Variants in CACNA1H observed in about 807,000 individuals in gnomAD.
CACNA1H encodes voltage-dependent T-type calcium channel subunit alpha-1H.
CACNA1H carries 149 observed loss-of-function variants against 192.5 expected under a neutral mutation model. The ratio of observed to expected loss-of-function variants is 0.77; its 90% CI spans 0.68 to 0.89. The LOEUF is 0.89. Among genes scored for constraint, CACNA1H ranks in the 40% least tolerant of loss-of-function variants. The pLI is 0.00. For synonymous variants in CACNA1H, 2,202 were observed against 1,475.2 expected, an observed-to-expected ratio of 1.49 and a Z score of -11.29; for missense variants, 4,257 against 3,423.5, an observed-to-expected ratio of 1.24 and a Z score of -6.08.
At chr16:1,163,154 G>A (rs918826068) in intron 2 of CACNA1H, among the ~76,000 whole-genome samples, 8 of 152,220 alleles carry the variant, frequency 5.3e-5, no homozygotes, top group Non-Finnish European at 1.0e-4. Context: ...CTGGGGAGCC[G>A]ATCCTGGGTC....
chr16:1,187,730 C>T (rs774711650), intron 2 of CACNA1H, among the ~76,000 whole-genome samples: 3 of 152,202 alleles, frequency 2.0e-5, no homozygotes, highest in Admixed American at 1.3e-4. Flanking sequence ...AGCCAGGCAG[C>T]AGCCGCACCT....
chr16:1,209,506 T>A, intron 17 of CACNA1H, 94 bp downstream of exon 17: 1 of 1,470,510 alleles, frequency 6.8e-7, no homozygotes, highest in South Asian at 1.2e-5. Context: ...TCAGGGCGTG[T>A]TGTTGACTGA....
intron 2 of CACNA1H, among the ~76,000 whole-genome samples, chr16:1,177,603 G>A (rs1596331922): frequency 2.0e-5 from 3 of 152,226 alleles, no homozygotes; most frequent in South Asian, 4.2e-4. Context: ...GGGCGTCCTA[G>A]TGTGCTTGGG....
At chr16:1,216,835 G>A in intron 30 of CACNA1H, 97 bp from the exon 31 acceptor site, 1 of 946,468 alleles carries the variant, frequency 1.1e-6, no homozygotes, top group South Asian at 1.4e-5. Context: ...AAGGTGGGCA[G>A]GTGGGGTCTG....
At chr16:1,170,548 G>A (rs72775428) in intron 2 of CACNA1H, among the ~76,000 whole-genome samples, 3 of 152,202 alleles carry the variant, frequency 2.0e-5, no homozygotes, top group East Asian at 1.9e-4. Flanking sequence ...CCCAGTGGCC[G>A]TCAGCCTTGG....
At chr16:1,209,678 T>A (rs1011629393) in intron 17 of CACNA1H, among the ~76,000 whole-genome samples, 1 of 152,092 alleles carries the variant, frequency 6.6e-6, no homozygotes, top group African/African-American at 2.4e-5. Flanking sequence ...CTCTGCGCCG[T>A]GGGTCAGCCA....
intron 2 of CACNA1H, among the ~76,000 whole-genome samples, chr16:1,187,382 T>C (rs967707962): frequency 2.6e-5 from 4 of 152,194 alleles, no homozygotes; most frequent in Non-Finnish European, 5.9e-5. Flanking sequence ...CTGCAGTCTG[T>C]GCCCTGCAAG....
At chr16:1,153,623 A>G in intron 1 of CACNA1H, 97 bp from the exon 2 acceptor site, 2 of 727,738 alleles carry the variant, frequency 2.7e-6, no homozygotes, top group Non-Finnish European at 3.7e-6. Flanking sequence ...AAAGACAAAG[A>G]CATCCCGGCG....
intron 2 of CACNA1H, among the ~76,000 whole-genome samples, chr16:1,163,744 C>T (rs1195453738): frequency 6.6e-6 from 1 of 152,240 alleles, no homozygotes; most frequent in South Asian, 2.1e-4. Context: ...TAGCTGGGAC[C>T]ACGCTTGCCC....
chr16:1,190,134 G>A (rs1042470987), intron 2 of CACNA1H, among the ~76,000 whole-genome samples: 7 of 152,192 alleles, frequency 4.6e-5, no homozygotes, highest in African/African-American at 1.7e-4. Context: ...ACCTCACTGC[G>A]CCACTGCCCG....
rs932767143 is a variant in CACNA1H at position 1,154,879 on chromosome 16, G to A, written c.299+843G>A. 5.9e-5 allele frequency among the ~76,000 whole-genome samples: 9 copies of A among 152,242 alleles called. No homozygotes were observed. The East Asian group carries it at 1.6e-3, about 26-fold the overall frequency. On this transcript the variant is annotated intron_variant, in intron 2 of 34. Transcript: ENST00000348261. The stretch of plus-strand genomic sequence containing the variant: ...GGTGGCCTTGGGGGCGGGTCTCCGC[G>A]TGCCCTGAGAAGGGCCTTGCGTGGT...
Position 1,211,195 on chromosome 16 carries a change from G to A in CACNA1H, c.4251G>A (p.Lys1417=), listed in dbSNP as rs756223729. ...TCATCAGCCGGGCCCCGGGCCTCAA[G>A]CTGGTGGTGGAGACGCTGATATCAT... ...LRVISRAPGL[K]LVVETLISSL... is the part of the protein sequence containing the mutation. Residue 1417 remains lysine (K), a synonymous_variant, in exon 22 of 35, where the codon AAG becomes AAA. Transcript: ENST00000348261. 9.9e-6 allele frequency: 16 copies of A among 1,612,962 alleles called. 2 individuals are homozygous for A. In the South Asian group the frequency reaches 1.6e-4, roughly 17 times the overall value.
intron 2 of CACNA1H, among the ~76,000 whole-genome samples, chr16:1,171,562 C>A (rs766024284): frequency 1.3e-5 from 2 of 152,232 alleles, no homozygotes; most frequent in Non-Finnish European, 2.9e-5. Flanking sequence ...ATTAAACTCC[C>A]TTGGCTGCCG....
chr16:1,164,936 T>C (rs1474817501), intron 2 of CACNA1H, among the ~76,000 whole-genome samples: 1 of 151,996 alleles, frequency 6.6e-6, no homozygotes, highest in Admixed American at 6.6e-5. Flanking sequence ...TTGGCAGATG[T>C]GTGTTTTCTC....
At chr16:1,170,454 G>T (rs887107342) in intron 2 of CACNA1H, among the ~76,000 whole-genome samples, 3 of 152,222 alleles carry the variant, frequency 2.0e-5, no homozygotes, top group African/African-American at 2.4e-5. Context: ...GACAGAGGCA[G>T]GGGAGGGGAG....
rs114049584 is a variant in CACNA1H at position 1,196,766 on chromosome 16, T to C, written c.643+743T>C. 1.8e-3 allele frequency among the ~76,000 whole-genome samples: 267 copies of C among 152,274 alleles called. 3 individuals carry two copies. Among genetic ancestry groups the C allele is most frequent in the African/African-American group, 6.1e-3 (254 of 41,544 alleles). On this transcript the variant is annotated intron_variant, in intron 5 of 34. Coordinates refer to ENST00000348261, the MANE Select transcript of CACNA1H (RefSeq NM_021098.3). ...AGCTTCCAGGAAGTCATATGCCTGC[T>C]TGTTTGGGAAACATCCTGTCAAATC...
chr16:1,203,017 C>T (rs192586265), intron 9 of CACNA1H, among the ~76,000 whole-genome samples: 21 of 151,378 alleles, frequency 1.4e-4, no homozygotes, highest in African/African-American at 3.6e-4. Flanking sequence ...GGGTTCCACA[C>T]GGGCCTGGGG....
rs780831084 is a variant in CACNA1H at position 1,209,212 on chromosome 16, G to A, written c.3544G>A (p.Gly1182Ser). 7.0e-5 allele frequency: 109 copies of A among 1,548,430 alleles called. No individual in the cohort carries two copies. Among genetic ancestry groups the A allele is most frequent in the Admixed American group, 2.1e-4 (11 of 51,254 alleles). ...CAGCACCGACGACGAAGCTGAGGAC[G>A]GCAGGGCCGCGCCCGGGCCCCGTGC... ...KGSTDDEAED[G>S]RAAPGPRATP... Residue 1182 changes from glycine to serine, a missense_variant, in exon 17 of 35, where the codon GGC becomes AGC. By Grantham distance (56) the Gly-to-Ser change is moderately conservative. Transcript: ENST00000348261.
At chr16:1,189,545 G>T (rs71380240) in intron 2 of CACNA1H, among the ~76,000 whole-genome samples, 1 of 151,218 alleles carries the variant, frequency 6.6e-6, no homozygotes, top group Non-Finnish European at 1.5e-5. Flanking sequence ...GCCTCCCCGA[G>T]TAGCTGCCAC....
Sources: gnomAD v4.1 joint callset for allele counts (sites outside exome capture counted in the v4.1 genomes callset) on GRCh38, gnomAD v4.1.1 for gene constraint, MANE v1.5 for transcripts, NCBI Gene and HGNC (gene_info 2026-07-23, HGNC 2026-07-21) for gene names.